TRABD2B: variants seen among roughly 807,000 people sequenced by gnomAD.
TRABD2B encodes the protein metalloprotease TIKI2.
Under a neutral mutation model 40.1 loss-of-function variants are expected in TRABD2B, and 14 were observed. The observed-to-expected ratio is 0.35, with a 90% CI of 0.23 to 0.55. TRABD2B has a LOEUF of 0.55. Among genes scored for constraint, TRABD2B ranks in the 20% least tolerant of loss-of-function variants. The pLI is 0.90. For synonymous variants in TRABD2B, 263 were observed against 277.0 expected (o/e 0.95, Z 0.50); for missense variants, 541 against 648.6 (o/e 0.83, Z 1.80).
At chr1:47,815,175 A>G (rs1166827126) in intron 2 of TRABD2B, among the ~76,000 whole-genome samples, 2 of 152,210 alleles carry the variant, frequency 1.3e-5, no homozygotes, top group African/African-American at 4.8e-5. Flanking sequence ...CCCAAGGCAA[A>G]AGAATGTGAA....
chr1:47,889,572 CAT>C (rs1029694004), intron 2 of TRABD2B, among the ~76,000 whole-genome samples: 59 of 152,306 alleles, frequency 3.9e-4, no homozygotes, highest in Non-Finnish European at 6.9e-4. Context: ...GGCAGTGAGG[CAT>C]ATGTCACCAG....
intron 2 of TRABD2B, among the ~76,000 whole-genome samples, chr1:47,979,961 G>A (rs1292685016): frequency 6.6e-6 from 1 of 152,148 alleles, no homozygotes; most frequent in Non-Finnish European, 1.5e-5. Flanking sequence ...GCCAACAAAG[G>A]AATGAGTGGG....
chr1:47,976,478 T>C (rs1293573820), intron 2 of TRABD2B, among the ~76,000 whole-genome samples: 4 of 152,190 alleles, frequency 2.6e-5, no homozygotes, highest in Non-Finnish European at 4.4e-5. Context: ...ACCTACTATG[T>C]GCTAGACATA....
chr1:47,990,897 C>T (rs1646001610), intron 2 of TRABD2B, among the ~76,000 whole-genome samples: 1 of 144,570 alleles, frequency 6.9e-6, no homozygotes, highest in South Asian at 2.2e-4. Flanking sequence ...CTATCTCCAG[C>T]CCACTGTGCT....
intron 2 of TRABD2B, among the ~76,000 whole-genome samples, chr1:47,945,750 G>A (rs1024812535): frequency 7.2e-5 from 11 of 151,970 alleles, no homozygotes; most frequent in African/African-American, 2.2e-4. Flanking sequence ...TTTTCCTTTT[G>A]TTGCTGAGCA....
intron 2 of TRABD2B, among the ~76,000 whole-genome samples, chr1:47,917,590 G>GGTGGCAT (rs1265015033): frequency 6.6e-6 from 1 of 152,064 alleles, no homozygotes; most frequent in East Asian, 1.9e-4. Flanking sequence ...AGCCAAGCAT[G>GGTGGCAT]GTGGCATGTG....
chr1:47,930,620 T>G (rs1249146468), intron 2 of TRABD2B, among the ~76,000 whole-genome samples: 1 of 152,202 alleles, frequency 6.6e-6, no homozygotes, highest in Non-Finnish European at 1.5e-5. Flanking sequence ...GGCTTATAGT[T>G]GGCAACAAAC....
intron 2 of TRABD2B, among the ~76,000 whole-genome samples, chr1:47,847,292 C>A (rs555660317): frequency 1.3e-5 from 2 of 152,160 alleles, no homozygotes; most frequent in African/African-American, 4.8e-5. Context: ...CACACCACCC[C>A]CTTCACAGGA....
intron 5 of TRABD2B, among the ~76,000 whole-genome samples, chr1:47,776,369 A>T (rs997414850): frequency 6.6e-6 from 1 of 152,204 alleles, no homozygotes; most frequent in African/African-American, 2.4e-5. Context: ...GAGCTATAGC[A>T]CAAGAATAAT....
intron 2 of TRABD2B, among the ~76,000 whole-genome samples, chr1:47,937,370 C>G (rs564670367): frequency 6.6e-6 from 1 of 151,566 alleles, no homozygotes; most frequent in South Asian, 2.1e-4. Flanking sequence ...TCATGATCAT[C>G]ATCATCACCA....
chr1:47,934,993 T>C (rs983413281), intron 2 of TRABD2B, among the ~76,000 whole-genome samples: 4 of 152,184 alleles, frequency 2.6e-5, no homozygotes, highest in African/African-American at 9.6e-5. Context: ...TAATGCCCTC[T>C]CTTTATCCAC....
intron 4 of TRABD2B, among the ~76,000 whole-genome samples, chr1:47,784,496 CAT>C (rs1469415873): frequency 3.3e-5 from 5 of 152,330 alleles, no homozygotes; most frequent in Admixed American, 6.5e-5. Flanking sequence ...GATCAGCACA[CAT>C]GTTTTCTCTC....
chr1:47,935,538 G>A (rs1055708474), intron 2 of TRABD2B, among the ~76,000 whole-genome samples: 1 of 152,174 alleles, frequency 6.6e-6, no homozygotes, highest in African/African-American at 2.4e-5. Context: ...CACTAAGTAG[G>A]TAATAAAATT....
intron 2 of TRABD2B, among the ~76,000 whole-genome samples, chr1:47,973,415 G>A (rs1381656837): frequency 1.3e-5 from 2 of 152,248 alleles, no homozygotes; most frequent in Admixed American, 1.3e-4. Context: ...GGTAGATGAT[G>A]TAACCCGAAG....
At chr1:47,899,951 T>C (rs543740404) in intron 2 of TRABD2B, among the ~76,000 whole-genome samples, 1 of 152,258 alleles carries the variant, frequency 6.6e-6, no homozygotes, top group South Asian at 2.1e-4. Flanking sequence ...GTCAATTCAA[T>C]GAGGAATAAA....
At chr1:47,980,318 C>G (rs1645823299) in intron 2 of TRABD2B, among the ~76,000 whole-genome samples, 1 of 152,176 alleles carries the variant, frequency 6.6e-6, no homozygotes, top group South Asian at 2.1e-4. Flanking sequence ...CAGGTACTCA[C>G]AAGGAGGTGA....
intron 2 of TRABD2B, among the ~76,000 whole-genome samples, chr1:47,829,390 T>C (rs1645219930): frequency 6.6e-6 from 1 of 152,122 alleles, no homozygotes; most frequent in African/African-American, 2.4e-5. Context: ...TTGAAGAACC[T>C]GAGGTTGCAG....
chr1:47,919,023 G>C (rs541726608), intron 2 of TRABD2B, among the ~76,000 whole-genome samples: 1 of 152,348 alleles, frequency 6.6e-6, no homozygotes, highest in South Asian at 2.1e-4. Flanking sequence ...TCTCCTTGGA[G>C]CTTAGTCACT....
At chr1:47,963,970 A>G (rs1453118235) in intron 2 of TRABD2B, among the ~76,000 whole-genome samples, 6 of 152,238 alleles carry the variant, frequency 3.9e-5, no homozygotes, top group Non-Finnish European at 7.3e-5. Context: ...ATGAAGCAAA[A>G]GAAAGATACA....
Sources: gnomAD v4.1 joint callset for allele counts (sites outside exome capture counted in the v4.1 genomes callset) on GRCh38, gnomAD v4.1.1 for gene constraint, MANE v1.5 for transcripts, NCBI Gene and HGNC (gene_info 2026-07-23, HGNC 2026-07-21) for gene names.